Variants in HCN1 observed in about 807,000 individuals in gnomAD.
HCN1 encodes hyperpolarization activated cyclic nucleotide gated potassium channel 1, also known as potassium/sodium hyperpolarization-activated cyclic nucleotide-gated channel 1.
A neutral mutation model predicts 78.9 loss-of-function variants in HCN1; 13 were observed. That is an observed-to-expected ratio of 0.16 (90% CI 0.11 to 0.26). The LOEUF (loss-of-function observed/expected upper bound fraction) is 0.26. HCN1 is among the 10% of genes least tolerant of loss of function. The probability of loss-of-function intolerance (pLI) is 1.00; values close to 1 mark genes in which losing one functional copy is unlikely to be tolerated. For missense variants in HCN1, 810 were observed against 1,154.3 expected (o/e 0.70, Z 4.32); for synonymous variants, 552 against 455.5 (o/e 1.21, Z -2.70).
intron 2 of HCN1, among the ~76,000 whole-genome samples, chr5:45,477,739 T>C (rs1741548742): frequency 6.6e-6 from 1 of 151,866 alleles, no homozygotes; most frequent in South Asian, 2.1e-4. Context: ...AACACCCAAA[T>C]AGAAAATAAT....
chr5:45,442,699 T>C (rs142123732), intron 3 of HCN1, among the ~76,000 whole-genome samples: 11 of 152,146 alleles, frequency 7.2e-5, no homozygotes, highest in African/African-American at 2.4e-4. Flanking sequence ...TTCCACATGA[T>C]AATCATTAGA....
intron 2 of HCN1, chr5:45,644,977 T>C: frequency 1.8e-6 from 1 of 550,734 alleles, no homozygotes; most frequent in Non-Finnish European, 3.2e-6. Flanking sequence ...AAACGATCAC[T>C]ATTTTTTTCA....
At chr5:45,544,447 AT>A (rs545711390) in intron 2 of HCN1, among the ~76,000 whole-genome samples, 615 of 151,202 alleles carry the variant, frequency 4.1e-3, no homozygotes, top group Non-Finnish European at 5.6e-3. Context: ...CATCTTCTGA[AT>A]TTTTTTTTAA....
chr5:45,315,060 G>A (rs543949691), intron 5 of HCN1, among the ~76,000 whole-genome samples: 250 of 152,084 alleles, frequency 1.6e-3, no homozygotes, highest in Middle Eastern at 6.8e-3. Context: ...TGCACCAAGC[G>A]GACCTAATAG....
chr5:45,595,499 G>C (rs573772228), intron 2 of HCN1, among the ~76,000 whole-genome samples: 1 of 152,066 alleles, frequency 6.6e-6, no homozygotes, highest in East Asian at 1.9e-4. Flanking sequence ...CACCACATCA[G>C]GCTATATTGA....
chr5:45,471,877 T>G (rs770744654), intron 2 of HCN1, among the ~76,000 whole-genome samples: 6 of 151,942 alleles, frequency 3.9e-5, no homozygotes, highest in Non-Finnish European at 7.4e-5. Flanking sequence ...TATCATTATT[T>G]TTTCAAAAAC....
chr5:45,330,524 G>C (rs1040619226), intron 5 of HCN1, among the ~76,000 whole-genome samples: 1 of 150,572 alleles, frequency 6.6e-6, no homozygotes, highest in African/African-American at 2.4e-5. Context: ...TCATGTATAT[G>C]TGTATATATA....
rs1025170801 is a variant in HCN1 at position 45,441,735 on chromosome 5, C to T, written c.1011+20111G>A. 7.2e-5 allele frequency among the ~76,000 whole-genome samples: 11 copies of T among 152,162 alleles called. No homozygotes were observed. The South Asian group carries it at 8.3e-4, about 11-fold the overall frequency. ...TAGAAAGCTAGAATCTCAGGTTCCC[C>T]GAGTCTGGTAACTGTTTATTATGGC... On this transcript the variant is annotated intron_variant, in intron 3 of 7. Transcript: ENST00000303230.
intron 3 of HCN1, among the ~76,000 whole-genome samples, chr5:45,455,650 T>G (rs1741014160): frequency 1.3e-5 from 2 of 151,736 alleles, no homozygotes; most frequent in African/African-American, 2.4e-5. Context: ...TTCCGATATG[T>G]ATGTCTTTAA....
intron 6 of HCN1, among the ~76,000 whole-genome samples, chr5:45,276,002 C>T (rs567138994): frequency 6.6e-6 from 1 of 152,020 alleles, no homozygotes; most frequent in Admixed American, 6.6e-5. Context: ...ATTTTTGGCT[C>T]TTAGGTACCT....
chr5:45,432,735 A>T (rs1175698489), intron 3 of HCN1, among the ~76,000 whole-genome samples: 1 of 152,094 alleles, frequency 6.6e-6, no homozygotes, highest in East Asian at 1.9e-4. Context: ...GCATATATTG[A>T]GATAATCACG....
intron 2 of HCN1, among the ~76,000 whole-genome samples, chr5:45,610,303 T>C (rs1744808078): frequency 6.6e-6 from 1 of 151,976 alleles, no homozygotes; most frequent in Admixed American, 6.6e-5. Flanking sequence ...GAACTATCTG[T>C]GAAAATATAA....
At chr5:45,693,908 TACC>T (rs1464589655) in intron 1 of HCN1, among the ~76,000 whole-genome samples, 1 of 152,222 alleles carries the variant, frequency 6.6e-6, no homozygotes, top group Non-Finnish European at 1.5e-5. Flanking sequence ...TTTCTGGAAA[TACC>T]ACATTTATTT....
chr5:45,352,512 C>G (rs1370183101), intron 5 of HCN1, among the ~76,000 whole-genome samples: 2 of 151,808 alleles, frequency 1.3e-5, no homozygotes, highest in East Asian at 1.9e-4. Context: ...TACCCTAAAA[C>G]TTAAAGTATA....
Position 45,681,602 on chromosome 5 carries a change from C to A in HCN1, c.425+14067G>T, listed in dbSNP as rs116320044. ...CAAAAAGTTAAAATTTAAAAAAATC[C>A]TTTTTCAAAATATTGACTCAATATT... is the stretch of plus-strand genomic sequence containing the variant. On this transcript the variant is annotated intron_variant, in intron 1 of 7. Transcript: ENST00000303230. 1.8e-3 allele frequency among the ~76,000 whole-genome samples: 276 copies of A among 151,766 alleles called. 2 individuals are homozygous for A. The highest frequency in any genetic ancestry group is 6.4e-3 in the African/African-American group (265 of 41,390).
chr5:45,585,694 T>C (rs1744201910), intron 2 of HCN1, among the ~76,000 whole-genome samples: 1 of 152,190 alleles, frequency 6.6e-6, no homozygotes, highest in Admixed American at 6.5e-5. Flanking sequence ...GATGTACAGA[T>C]GGGGTTTTGG....
chr5:45,644,140 C>T (rs1745503348), intron 2 of HCN1: 1 of 152,026 alleles, frequency 6.6e-6, no homozygotes, highest in South Asian at 2.1e-4. Flanking sequence ...AACAGAACTT[C>T]CATTTTATGA....
intron 2 of HCN1, among the ~76,000 whole-genome samples, chr5:45,469,772 T>C (rs1741351030): frequency 6.6e-6 from 1 of 151,044 alleles, no homozygotes; most frequent in East Asian, 1.9e-4. Context: ...TTAAAAATCC[T>C]AATTATAAAG....
At chr5:45,265,567 C>A (rs972259262) in intron 7 of HCN1, among the ~76,000 whole-genome samples, 2 of 152,124 alleles carry the variant, frequency 1.3e-5, no homozygotes, top group African/African-American at 4.8e-5. Flanking sequence ...GATCTCTATG[C>A]AGTCTGCTGT....
Sources: allele counts gnomAD v4.1 joint callset (sites outside exome capture counted in the v4.1 genomes callset), GRCh38; gene constraint gnomAD v4.1.1; transcripts MANE v1.5; gene names NCBI Gene and HGNC (gene_info 2026-07-23, HGNC 2026-07-21).